The following IL36RN variants were observed in gnomAD, a reference collection of about 807,000 sequenced individuals.
IL36RN encodes interleukin-36 receptor antagonist protein.
A neutral mutation model predicts 13.0 loss-of-function variants in IL36RN; 11 were observed. The observed-to-expected ratio is 0.85, with a 90% CI of 0.53 to 1.40. IL36RN has a LOEUF of 1.40. IL36RN is among the 40% of genes most tolerant of loss of function. The pLI is 0.00. For synonymous variants in IL36RN, 94 were observed against 84.1 expected (o/e 1.12, Z -0.64); for missense variants, 195 against 195.3 (o/e 1.00, Z 0.01).
intron 2 of IL36RN, among the ~76,000 whole-genome samples, chr2:113,060,365 TAGTA>T (rs1482945780): frequency 6.6e-6 from 1 of 152,164 alleles, no homozygotes; most frequent in Non-Finnish European, 1.5e-5. Context: ...ACTCCTCACT[TAGTA>T]AGGAATATAT....
chr2:113,061,989 C>A, intron 3 of IL36RN, 135 bp from the exon 4 acceptor site: 1 of 1,188,130 alleles, frequency 8.4e-7, no homozygotes, highest in Non-Finnish European at 1.2e-6. Flanking sequence ...CATGTCATGA[C>A]AGCTGCTGAG....
At chr2:113,061,700 T>C (rs951386493) in intron 3 of IL36RN, among the ~76,000 whole-genome samples, 1 of 152,196 alleles carries the variant, frequency 6.6e-6, no homozygotes, top group Admixed American at 6.5e-5. Context: ...ATCTGATGTA[T>C]GTGGGTGGTG....
intron 3 of IL36RN, among the ~76,000 whole-genome samples, chr2:113,061,382 G>A (rs557266656): frequency 1.3e-5 from 2 of 152,278 alleles, no homozygotes; most frequent in East Asian, 1.9e-4. Flanking sequence ...AGAACAGGTG[G>A]CATTGTTGGA....
In IL36RN at chr2:113,062,684, G is replaced by C. The variant is rs761649949; in HGVS notation, c.*7G>C. On this transcript the variant is annotated 3_prime_UTR_variant, in exon 5 of 5. Coordinates refer to ENST00000393200, the MANE Select transcript of IL36RN (RefSeq NM_012275.3). Reference sequence around the variant, plus strand: ...CTTCCAGCAGTGTGACTAGGGCAACGTGCCCCCCAGAACTCCCTGGGCAGA... The same window carrying C: ...CTTCCAGCAGTGTGACTAGGGCAACCTGCCCCCCAGAACTCCCTGGGCAGA... 6.2e-7 allele frequency: 1 copy of C among 1,607,278 alleles called. No individual in the cohort carries two copies. The highest frequency in any genetic ancestry group is 1.3e-5 in the African/African-American group (1 of 74,874).
chr2:113,062,138 G>T lies in IL36RN; in HGVS notation c.130G>T (p.Val44Leu), dbSNP rs776622427. ...CTTTCCCACAGGTGAAGAGATCAGC[G>T]TGGTCCCCAATCGGTGGCTGGATGC... ...GKVIKGEEISVVPNRWLDASL... is the reference protein window; with the variant it reads ...GKVIKGEEISLVPNRWLDASL... Residue 44 changes from valine (V) to leucine (L), a missense_variant, in exon 4 of 5, where the codon GTG becomes TTG. Transcript: ENST00000393200. The T allele has an allele frequency of 3.1e-6, 5 of 1,614,088 alleles. No homozygotes were observed. In the Admixed American group the frequency reaches 8.3e-5, roughly 27 times the overall value.
intron 2 of IL36RN, 146 bp from the exon 3 acceptor site, chr2:113,060,705 TG>T (rs984449717): frequency 1.4e-6 from 1 of 707,440 alleles, no homozygotes; most frequent in African/African-American, 1.8e-5. Context: ...CCAGCAGGGC[TG>T]GGAGACAAGG....
At position 113,063,052 on chromosome 2, in the gene IL36RN, T is replaced by G; in HGVS notation, c.*375T>G. 2.8e-6 allele frequency: 1 copy of G among 358,222 alleles called. No homozygotes were observed. The highest frequency in any genetic ancestry group is 5.5e-6 in the Non-Finnish European group (1 of 183,356). The allele number at this position is 358,222 out of a possible 1,614,324, so 22.2% of individuals were successfully genotyped here. The stretch of plus-strand genomic sequence containing the variant: ...CCAACCCATCCCCAGTTGAGCCTTA[T>G]AGGGTCAGTAGCTCTCCACATGAAG... On this transcript the variant is annotated 3_prime_UTR_variant, in exon 5 of 5. Transcript: ENST00000393200.
Position 113,062,602 on chromosome 2 carries a change from C to A in IL36RN, c.393C>A (p.Val131=), listed in dbSNP as rs761835682. 2 of 1,613,708 alleles carry A rather than the reference C, an allele frequency of 1.2e-6. No individual in the cohort carries two copies. The highest frequency in any genetic ancestry group is 1.7e-6 in the Non-Finnish European group (2 of 1,180,018). The stretch of plus-strand genomic sequence containing the variant: ...CGGTGCCTGAAGCCGATCAGCCTGT[C>A]AGACTCACCCAGCTTCCCGAGAATG... ...LCTVPEADQP[V]RLTQLPENGG... The change falls in exon 5 of 5, where the codon GTC becomes GTA. Residue 131 remains valine, a synonymous_variant. Transcript: ENST00000393200.
At position 113,062,238 on chromosome 2, in the gene IL36RN, C is replaced by A. The variant is rs372880215; in HGVS notation, c.230C>A (p.Thr77Asn). Reference sequence around the variant, plus strand: ...TCATGTGGGGTGGGGCAGGAGCCGACTCTAACACTAGAGGTGAGACTTGGG... The same window carrying A: ...TCATGTGGGGTGGGGCAGGAGCCGAATCTAACACTAGAGGTGAGACTTGGG... ...CLSCGVGQEP[T>N]LTLEPVNIME... Residue 77 changes from threonine to asparagine, a missense_variant, in exon 4 of 5, where the codon ACT becomes AAT. Transcript: ENST00000393200. 1.2e-6 allele frequency: 2 copies of A among 1,614,054 alleles called. No individual in the cohort carries two copies. Among genetic ancestry groups the A allele is most frequent in the Non-Finnish European group, 1.7e-6 (2 of 1,179,968 alleles).
intron 3 of IL36RN, 22 bp from the exon 4 acceptor site, chr2:113,062,102 G>T (rs1685653453): frequency 6.2e-7 from 1 of 1,613,022 alleles, no homozygotes; most frequent in African/African-American, 1.3e-5. Context: ...CCAGGGCCCT[G>T]CATCTGGCCT....
At position 113,062,660 on chromosome 2, in the gene IL36RN, T is replaced by A. The variant is rs545202535; in HGVS notation, c.451T>A (p.Phe151Ile). The change falls in exon 5 of 5, where the codon TTC becomes ATC. Residue 151 changes from phenylalanine to isoleucine, a missense_variant. Transcript: ENST00000393200. ...GAATGCCCCCATCACAGACTTCTAC[T>A]TCCAGCAGTGTGACTAGGGCAACGT... ...GWNAPITDFY[F>I]QQCD 4.4e-5 allele frequency: 71 copies of A among 1,611,654 alleles called. 1 individual carries two copies. The South Asian group carries it at 7.4e-4, about 17-fold the overall frequency.
Position 113,062,124 on chromosome 2 carries a change from G to A in IL36RN, c.116G>A (p.Gly39Asp). 1.2e-6 allele frequency: 2 copies of A among 1,614,010 alleles called. No individual in the cohort carries two copies. The highest frequency in any genetic ancestry group is 1.7e-6 in the Non-Finnish European group (2 of 1,179,932). ...GGLHAGKVIK[G>D]EEISVVPNRW... ...CCTGCATCTGGCCTCTTTCCCACAG[G>A]TGAAGAGATCAGCGTGGTCCCCAAT... The change falls in exon 4 of 5, where the codon GGT (glycine) becomes GAT (aspartate). Residue 39 changes from glycine (G) to aspartate (D), a missense_variant and splice_region_variant. Physicochemically the swap from Gly to Asp is moderately conservative, Grantham distance 94. Transcript: ENST00000393200.
rs1685592047 is a variant in IL36RN at position 113,059,343 on chromosome 2, G to A, written c.-27-69G>A. ...ACATGCTGGGGAGCTCGGTGCAGCT[G>A]CTTGCTCCCCAGACCCCAGCCAACT... On this transcript the variant is annotated intron_variant, in intron 1 of 4. Coordinates refer to ENST00000393200, the MANE Select transcript of IL36RN (RefSeq NM_012275.3). 2.9e-6 allele frequency: 4 copies of A among 1,377,968 alleles called. No homozygotes were observed. The South Asian group carries it at 3.5e-5, about 12-fold the overall frequency. The allele number at this position is 1,377,968 out of a possible 1,614,324, so 85.4% of individuals were successfully genotyped here.
intron 3 of IL36RN, among the ~76,000 whole-genome samples, chr2:113,061,183 T>C (rs535974643): frequency 1.3e-5 from 2 of 152,310 alleles, no homozygotes; most frequent in South Asian, 2.1e-4. Flanking sequence ...AAGAGGCTTG[T>C]CTTGTCATTC....
intron 2 of IL36RN, among the ~76,000 whole-genome samples, chr2:113,060,172 T>A (rs915074970): frequency 6.6e-6 from 1 of 152,132 alleles, no homozygotes; most frequent in Non-Finnish European, 1.5e-5. Context: ...AGGCAACTTG[T>A]TGAATTGTAT....
intron 2 of IL36RN, among the ~76,000 whole-genome samples, chr2:113,059,770 C>T (rs1359084803): frequency 2.6e-5 from 4 of 152,156 alleles, no homozygotes; most frequent in Non-Finnish European, 4.4e-5. Flanking sequence ...CTCAGAGCTC[C>T]GCCATTGTCC....
intron 3 of IL36RN, among the ~76,000 whole-genome samples, chr2:113,061,556 G>A (rs1480963534): frequency 8.2e-6 from 1 of 122,580 alleles, no homozygotes; most frequent in African/African-American, 3.4e-5. Context: ...ATGTGTGCAT[G>A]CAGGCATATA....
At position 113,063,068 on chromosome 2, in the gene IL36RN, C is replaced by T; in HGVS notation, c.*391C>T. 1 of 349,740 alleles carries T rather than the reference C, an allele frequency of 2.9e-6. No individual in the cohort carries two copies. The highest frequency in any genetic ancestry group is 2.3e-5 in the South Asian group (1 of 43,950). 21.7% of individuals were successfully genotyped at this position (349,740 alleles called of 1,614,324 possible). A position where few individuals can be genotyped will look rare whatever the true frequency, so the allele number is the denominator to read the frequency against. ...TGAGCCTTATAGGGTCAGTAGCTCT[C>T]CACATGAAGACCTGTCACTCACCAC... is the stretch of plus-strand genomic sequence containing the variant. On this transcript the variant is annotated 3_prime_UTR_variant, in exon 5 of 5. Transcript: ENST00000393200.
chr2:113,062,656 C>T lies in IL36RN; in HGVS notation c.447C>T (p.Phe149=), dbSNP rs201107219. 65 of 1,611,974 alleles carry T rather than the reference C, an allele frequency of 4.0e-5. No individual in the cohort carries two copies. The highest frequency in any genetic ancestry group is 5.0e-5 in the Non-Finnish European group (59 of 1,179,990). The change falls in exon 5 of 5, where the codon TTC becomes TTT. Residue 149 remains phenylalanine (F), a synonymous_variant. Transcript: ENST00000393200. ...NGGWNAPITD[F]YFQQCD ...GCTGGAATGCCCCCATCACAGACTT[C>T]TACTTCCAGCAGTGTGACTAGGGCA...
Sources: gnomAD v4.1 joint callset for allele counts (sites outside exome capture counted in the v4.1 genomes callset) on GRCh38, gnomAD v4.1.1 for gene constraint, MANE v1.5 for transcripts, NCBI Gene and HGNC (gene_info 2026-07-23, HGNC 2026-07-21) for gene names.